NXN: variants seen among roughly 807,000 people sequenced by gnomAD.
NXN encodes nucleoredoxin 1.
A neutral mutation model predicts 48.6 loss-of-function variants in NXN; 16 were observed. The ratio of observed to expected loss-of-function variants is 0.33; its 90% confidence interval spans 0.22 to 0.50. NXN has a LOEUF of 0.50. Ranked by LOEUF, NXN falls within the 20% of genes least tolerant of loss-of-function variation. The probability of loss-of-function intolerance (pLI) is 0.98; values close to 1 mark genes in which losing one functional copy is unlikely to be tolerated. For missense variants in NXN, 492 were observed against 605.5 expected (o/e 0.81, Z 1.97); for synonymous variants, 281 against 269.6 (o/e 1.04, Z -0.41).
chr17:912,234 G>A (rs79774750), intron 1 of NXN, among the ~76,000 whole-genome samples: 1,600 of 151,980 alleles, frequency 0.011, 27 homozygotes, highest in African/African-American at 0.034. Flanking sequence ...CACCACACCC[G>A]GCCAAATACT....
chr17:803,196 G>T (rs1043790824), intron 7 of NXN, among the ~76,000 whole-genome samples: 7 of 152,208 alleles, frequency 4.6e-5, no homozygotes, highest in African/African-American at 7.2e-5. Context: ...CAGCCTGGGT[G>T]AAACAGACGG....
At chr17:874,067 T>C (rs75153746) in intron 1 of NXN, among the ~76,000 whole-genome samples, 4,265 of 152,172 alleles carry the variant, frequency 0.028, 76 homozygotes, top group Non-Finnish European at 0.037. Context: ...TGGATGGTCA[T>C]TGAATCATGG....
intron 1 of NXN, among the ~76,000 whole-genome samples, chr17:972,862 TCTA>T (rs1363179357): frequency 2.0e-5 from 3 of 151,916 alleles, no homozygotes; most frequent in Non-Finnish European, 4.4e-5. Context: ...AAACCCCGTC[TCTA>T]CTAATAATAC....
intron 1 of NXN, among the ~76,000 whole-genome samples, chr17:931,995 T>C (rs922345097): frequency 6.8e-6 from 1 of 147,118 alleles, no homozygotes; most frequent in Non-Finnish European, 1.5e-5. Flanking sequence ...AATACAAAAA[T>C]TAGCCAGGTG....
At chr17:864,865 G>A (rs972956594) in intron 1 of NXN, among the ~76,000 whole-genome samples, 5 of 152,158 alleles carry the variant, frequency 3.3e-5, no homozygotes, top group African/African-American at 1.2e-4. Flanking sequence ...GCCCAAGGAA[G>A]GGCCAGATGC....
Position 917,244 on chromosome 17 carries a change from C to A in NXN, c.360+62075G>T, listed in dbSNP as rs574310398. Among the ~76,000 whole-genome samples the A allele has an allele frequency of 6.6e-6, 1 of 152,012 alleles. No individual in the cohort carries two copies. Among genetic ancestry groups the A allele is most frequent in the Non-Finnish European group, 1.5e-5 (1 of 68,014 alleles). ...GTGGCCTCCGCCTCGCGGGTTCAAG[C>A]GATTCTCCTGCCTCAGCCTCCCGAG... On this transcript the variant is annotated intron_variant, in intron 1 of 7. Coordinates refer to ENST00000336868, the MANE Select transcript of NXN (RefSeq NM_022463.5). This position sits in a 1 kb window ranked among gnomAD's most constrained non-coding sequence, Gnocchi z 4.5.
chr17:936,323 G>A (rs66468717), intron 1 of NXN, among the ~76,000 whole-genome samples: 32,099 of 151,828 alleles, frequency 0.21, 3,757 homozygotes, highest in Non-Finnish European at 0.25. Flanking sequence ...TTCTTCTCCC[G>A]TGGGGTGGAA....
intron 1 of NXN, among the ~76,000 whole-genome samples, chr17:885,293 C>T (rs1208463271): frequency 6.6e-6 from 1 of 152,088 alleles, no homozygotes; most frequent in Admixed American, 6.6e-5. Context: ...GTCTGGCCAA[C>T]ATGGTGACAC....
intron 1 of NXN, among the ~76,000 whole-genome samples, chr17:943,713 G>A (rs941312510): frequency 5.3e-5 from 8 of 151,094 alleles, no homozygotes; most frequent in South Asian, 2.1e-4. Context: ...TCCCAGCTAC[G>A]ACTCGGGGGG....
intron 1 of NXN, among the ~76,000 whole-genome samples, chr17:931,799 C>T (rs1233024441): frequency 7.5e-6 from 1 of 133,286 alleles, no homozygotes; most frequent in Non-Finnish European, 1.6e-5. Context: ...CACGCCACTG[C>T]ACTCCAGCCT....
chr17:867,023 G>T lies in NXN; in HGVS notation c.361-40945C>A, dbSNP rs112321545. Among the ~76,000 whole-genome samples, 587 of 147,654 alleles carry T rather than the reference G, an allele frequency of 4.0e-3. 3 individuals are homozygous for T. The highest frequency in any genetic ancestry group is 0.014 in the African/African-American group (567 of 39,730). ...TCCAGCTTGGTCAGCAAGTTCTCGG[G>T]GTTCTCCGGGGAATCCTCCAGCTTG... On this transcript the variant is annotated intron_variant, in intron 1 of 7. Transcript: ENST00000336868.
In NXN at chr17:919,465, A is replaced by G. The variant is rs2068723288; in HGVS notation, c.360+59854T>C. ...CAATCATTCCTTAAGATGCTAGAAA[A>G]CGTGTTATTGTAACACGAGGAAAAA... On this transcript the variant is annotated intron_variant, in intron 1 of 7. Transcript: ENST00000336868. The surrounding 1 kb of genome is among the most constrained non-coding windows in gnomAD (Gnocchi z 5.1). 6.6e-6 allele frequency among the ~76,000 whole-genome samples: 1 copy of G among 152,128 alleles called. No homozygotes were observed. Among genetic ancestry groups the G allele is most frequent in the Non-Finnish European group, 1.5e-5 (1 of 68,010 alleles).
At chr17:901,269 C>T (rs1241124809) in intron 1 of NXN, among the ~76,000 whole-genome samples, 1 of 152,190 alleles carries the variant, frequency 6.6e-6, no homozygotes, top group Non-Finnish European at 1.5e-5. Flanking sequence ...TGAGCCTCAA[C>T]GTCACCCTCT....
intron 1 of NXN, among the ~76,000 whole-genome samples, chr17:964,474 A>G (rs983007487): frequency 2.0e-5 from 3 of 152,244 alleles, no homozygotes; most frequent in African/African-American, 7.2e-5. Flanking sequence ...TTCACGTGGT[A>G]TTAAGTAGCA....
chr17:873,894 CTCA>C (rs1256162001), intron 1 of NXN, among the ~76,000 whole-genome samples: 1 of 152,176 alleles, frequency 6.6e-6, no homozygotes. Context: ...ATGATCACGT[CTCA>C]GCTTCCTCCA....
intron 1 of NXN, among the ~76,000 whole-genome samples, chr17:927,921 C>T (rs1371917082): frequency 6.6e-6 from 1 of 152,052 alleles, no homozygotes; most frequent in African/African-American, 2.4e-5. Context: ...CCAACCCCAG[C>T]TGCTTGTGTT....
intron 5 of NXN, among the ~76,000 whole-genome samples, chr17:811,056 T>A (rs1210427209): frequency 2.0e-5 from 3 of 150,612 alleles, no homozygotes; most frequent in Admixed American, 1.3e-4. Flanking sequence ...AGGAAGAGAG[T>A]CAAGGAAGGG....
chr17:855,849 G>A (rs2067979810), intron 1 of NXN, among the ~76,000 whole-genome samples: 1 of 152,130 alleles, frequency 6.6e-6, no homozygotes, highest in Non-Finnish European at 1.5e-5. Flanking sequence ...AATGATTCCT[G>A]TCATGGGACA....
chr17:817,607 T>G (rs1415632979), intron 5 of NXN, among the ~76,000 whole-genome samples: 1 of 149,966 alleles, frequency 6.7e-6, no homozygotes, highest in East Asian at 2.0e-4. Flanking sequence ...AGGCGGAGCT[T>G]GCAGTGAACC....
Sources: allele counts gnomAD v4.1 joint callset (sites outside exome capture counted in the v4.1 genomes callset), GRCh38; gene constraint gnomAD v4.1.1; non-coding constraint Gnocchi (gnomAD v3.1); transcripts MANE v1.5; gene names NCBI Gene and HGNC (gene_info 2026-07-23, HGNC 2026-07-21).